The following DPYSL3 variants were observed in gnomAD, a reference collection of about 807,000 sequenced individuals.
DPYSL3 encodes the protein dihydropyrimidinase like 3.
A neutral mutation model predicts 66.1 loss-of-function variants in DPYSL3; 16 were observed. The ratio of observed to expected loss-of-function variants is 0.24; its 90% confidence interval spans 0.16 to 0.37. The LOEUF is 0.37. Ranked by LOEUF, DPYSL3 falls within the 10% of genes least tolerant of loss-of-function variation. DPYSL3 has a pLI of 1.00. For missense variants in DPYSL3, 738 were observed against 916.2 expected (o/e 0.81, Z 2.51); for synonymous variants, 338 against 345.1 (o/e 0.98, Z 0.23).
intron 2 of DPYSL3, among the ~76,000 whole-genome samples, chr5:147,420,642 G>A (rs1285879298): frequency 1.3e-5 from 2 of 152,174 alleles, no homozygotes; most frequent in Non-Finnish European, 2.9e-5. Flanking sequence ...GATAGTTAGA[G>A]GAGGTTATTT....
chr5:147,506,719 T>C (rs1581222678), intron 1 of DPYSL3, among the ~76,000 whole-genome samples: 1 of 152,170 alleles, frequency 6.6e-6, no homozygotes, highest in African/African-American at 2.4e-5. Flanking sequence ...TGAATACTAC[T>C]GTGCAAAGTA....
At chr5:147,454,666 G>T (rs1052367159) in intron 1 of DPYSL3, among the ~76,000 whole-genome samples, 4 of 152,192 alleles carry the variant, frequency 2.6e-5, no homozygotes, top group African/African-American at 9.7e-5. Flanking sequence ...GAGTAGAACT[G>T]CTATTGCTCC....
rs573214047 is a variant in DPYSL3 at position 147,490,657 on chromosome 5, C to A, written c.381+18821G>T. On this transcript the variant is annotated intron_variant, in intron 1 of 13. Coordinates refer to ENST00000343218, the MANE Select transcript of DPYSL3 (RefSeq NM_001197294.2). ...AATCAATAGCTTTTCTTAGACCTGG[C>A]AGAGAAGTGAGGTCACAGAGCAAAC... Among the ~76,000 whole-genome samples, 4 of 152,248 alleles carry A rather than the reference C, an allele frequency of 2.6e-5. No individual in the cohort carries two copies. The South Asian group carries it at 8.3e-4, about 32-fold the overall frequency.
chr5:147,407,469 A>T (rs569692890), intron 7 of DPYSL3, among the ~76,000 whole-genome samples: 13 of 152,284 alleles, frequency 8.5e-5, no homozygotes, highest in African/African-American at 2.9e-4. Flanking sequence ...TTGCCAGCAC[A>T]TCTCCACAGT....
intron 3 of DPYSL3, among the ~76,000 whole-genome samples, chr5:147,417,753 C>A (rs1751999450): frequency 6.6e-6 from 1 of 151,874 alleles, no homozygotes; most frequent in Non-Finnish European, 1.5e-5. Context: ...AAAAACAAAA[C>A]AAAACAAAAT....
rs2152014477 is a variant in DPYSL3, at chr5:147,395,727, G to A, written c.1804-6C>T. ...ACGGCATGCAGGTCTGCCATCTGCA[G>A]CCAGAGAAGAGCATGTCACCATTCA... On this transcript the variant is annotated splice_region_variant and splice_polypyrimidine_tract_variant and intron_variant, in intron 12 of 13. Coordinates refer to ENST00000343218, the MANE Select transcript of DPYSL3 (RefSeq NM_001197294.2). 6.2e-7 allele frequency: 1 copy of A among 1,613,518 alleles called. No homozygotes were observed. The highest frequency in any genetic ancestry group is 1.3e-5 in the African/African-American group (1 of 75,038).
At chr5:147,445,331 G>T (rs967396350) in intron 1 of DPYSL3, among the ~76,000 whole-genome samples, 10 of 152,200 alleles carry the variant, frequency 6.6e-5, no homozygotes, top group African/African-American at 2.4e-4. Context: ...GAGCTGTCAT[G>T]TTTCTCTTGG....
chr5:147,443,942 G>A (rs1333051521), intron 1 of DPYSL3, among the ~76,000 whole-genome samples: 1 of 152,104 alleles, frequency 6.6e-6, no homozygotes, highest in South Asian at 2.1e-4. Context: ...CTGATGCCAA[G>A]CAGTGCTAAG....
Position 147,403,191 on chromosome 5 carries a change from C to T in DPYSL3, c.1154-1495G>A, listed in dbSNP as rs902858191. On this transcript the variant is annotated intron_variant, in intron 8 of 13. Coordinates refer to ENST00000343218, the MANE Select transcript of DPYSL3 (RefSeq NM_001197294.2). ...AGAAGGAAGCGATGGCAATGATTCA[C>T]ATTGGACAGCCCTGCTTTTGGGGGT... 3.3e-5 allele frequency among the ~76,000 whole-genome samples: 5 copies of T among 152,154 alleles called. No individual in the cohort carries two copies. In the South Asian group the frequency reaches 1.0e-3, roughly 31 times the overall value.
At chr5:147,489,825 G>A (rs940318516) in intron 1 of DPYSL3, among the ~76,000 whole-genome samples, 23 of 151,844 alleles carry the variant, frequency 1.5e-4, no homozygotes, top group African/African-American at 5.3e-4. Flanking sequence ...TGAAAGGAGG[G>A]TGAGGGCTGA....
chr5:147,434,617 A>G (rs1282254620), intron 1 of DPYSL3, among the ~76,000 whole-genome samples: 5 of 152,222 alleles, frequency 3.3e-5, no homozygotes, highest in Non-Finnish European at 5.9e-5. Context: ...GAAGGTGAAT[A>G]GAGAAGTAAA....
At chr5:147,401,865 C>CCCACCTTTT in intron 8 of DPYSL3, 169 bp from the exon 9 acceptor site, 1 of 665,570 alleles carries the variant, frequency 1.5e-6, no homozygotes, top group Non-Finnish European at 2.3e-6. Flanking sequence ...TTCCTATCTG[C>CCCACCTTTT]TAAATGTGAC....
chr5:147,407,334 C>T (rs912415727), intron 7 of DPYSL3, among the ~76,000 whole-genome samples: 2 of 151,972 alleles, frequency 1.3e-5, no homozygotes, highest in African/African-American at 4.8e-5. Context: ...GGCTTTTTTA[C>T]TAAAAAGGAG....
At chr5:147,423,286 A>T (rs927282797) in intron 2 of DPYSL3, among the ~76,000 whole-genome samples, 1 of 152,232 alleles carries the variant, frequency 6.6e-6, no homozygotes, top group South Asian at 2.1e-4. Context: ...TTGGCAAGGT[A>T]ACTATGAACA....
intron 1 of DPYSL3, among the ~76,000 whole-genome samples, chr5:147,452,966 C>T (rs915774093): frequency 6.6e-6 from 1 of 151,658 alleles, no homozygotes; most frequent in African/African-American, 2.4e-5. Context: ...GTTAGCTGTC[C>T]AGTCCCATAA....
chr5:147,396,387 CT>C (rs544453533), intron 12 of DPYSL3, among the ~76,000 whole-genome samples: 93 of 152,302 alleles, frequency 6.1e-4, no homozygotes, highest in Non-Finnish European at 9.3e-4. Context: ...AACACGGTAC[CT>C]CCTGCAAAGG....
chr5:147,440,235 G>A (rs1352138554), intron 1 of DPYSL3, among the ~76,000 whole-genome samples: 14 of 152,084 alleles, frequency 9.2e-5, no homozygotes, highest in Middle Eastern at 3.2e-3. Context: ...CCTGGGAGGC[G>A]GAGCTTGCAG....
chr5:147,413,013 G>C (rs1581179828), intron 5 of DPYSL3, among the ~76,000 whole-genome samples: 1 of 152,266 alleles, frequency 6.6e-6, no homozygotes, highest in East Asian at 1.9e-4. Context: ...GACAGTCTCA[G>C]AATTCTTCTC....
chr5:147,434,351 C>T (rs890039886), intron 1 of DPYSL3, among the ~76,000 whole-genome samples: 1 of 152,074 alleles, frequency 6.6e-6, no homozygotes, highest in Non-Finnish European at 1.5e-5. Flanking sequence ...TTGCATTGTT[C>T]CTTTTTAGGC....
Sources: allele counts gnomAD v4.1 joint callset (sites outside exome capture counted in the v4.1 genomes callset), GRCh38; gene constraint gnomAD v4.1.1; transcripts MANE v1.5; gene names NCBI Gene and HGNC (gene_info 2026-07-23, HGNC 2026-07-21).